NOLC1: variants seen among roughly 807,000 people sequenced by gnomAD.
NOLC1 encodes the protein nucleolar and coiled-body phosphoprotein 1, also known as 140 kDa nucleolar phosphoprotein.
NOLC1 carries 37 observed loss-of-function variants against 73.4 expected under a neutral mutation model. The observed-to-expected ratio is 0.50, with a 90% CI of 0.39 to 0.66. The LOEUF (loss-of-function observed/expected upper bound fraction) is 0.66, where lower values mean the gene tolerates loss of function less well. Ranked by LOEUF, NOLC1 falls within the 30% of genes least tolerant of loss-of-function variation. NOLC1 has a pLI of 0.00. For synonymous variants in NOLC1, 327 were observed against 302.6 expected (o/e 1.08, Z -0.84); for missense variants, 921 against 838.9 (o/e 1.10, Z -1.21).
In NOLC1 at chr10:102,159,205, C is replaced by G; in HGVS notation, c.620C>G (p.Pro207Arg). The change falls in exon 6 of 13, where the codon CCT becomes CGT. Residue 207 changes from proline (P) to arginine (R), a missense_variant. Coordinates refer to ENST00000605788, the MANE Select transcript of NOLC1 (RefSeq NM_004741.5). ...KAPPKPARAA[P>R]KIANGKAASS... ...TTGGGTATTCCAGCTCGAGCAGCAC[C>G]TAAAATAGCCAATGGTAAAGCAGCC... is the stretch of plus-strand genomic sequence containing the variant. 6.2e-7 allele frequency: 1 copy of G among 1,613,738 alleles called. No homozygotes were observed. The highest frequency in any genetic ancestry group is 8.5e-7 in the Non-Finnish European group (1 of 1,179,980).
intron 5 of NOLC1, among the ~76,000 whole-genome samples, 194 bp from the exon 6 acceptor site, chr10:102,158,999 G>A (rs1439860586): frequency 6.7e-6 from 1 of 150,072 alleles, no homozygotes; most frequent in Non-Finnish European, 1.5e-5. Flanking sequence ...AGAGGCTGAG[G>A]CGGGAGAGTT....
chr10:102,161,494 A>T, intron 10 of NOLC1, 62 bp from the exon 11 acceptor site: 1 of 1,300,354 alleles, frequency 7.7e-7, no homozygotes, highest in Non-Finnish European at 1.1e-6. Context: ...GGACTCCCAA[A>T]ATGCTGGGGT....
chr10:102,158,865 C>T (rs1015583377), intron 5 of NOLC1, among the ~76,000 whole-genome samples: 4 of 151,876 alleles, frequency 2.6e-5, no homozygotes, highest in Admixed American at 6.6e-5. Context: ...GAGGCTGAGG[C>T]GGGCGGATTG....
At chr10:102,155,188 G>A (rs1036606668) in intron 1 of NOLC1, among the ~76,000 whole-genome samples, 2 of 151,448 alleles carry the variant, frequency 1.3e-5, no homozygotes, top group African/African-American at 4.9e-5. Flanking sequence ...ACCACGCCCA[G>A]CTAATTTTGT....
At chr10:102,157,607 C>G (rs1284810670) in intron 4 of NOLC1, 52 bp downstream of exon 4, 2 of 1,581,044 alleles carry the variant, frequency 1.3e-6, no homozygotes, top group African/African-American at 2.7e-5. Context: ...AGGAAGAAAC[C>G]TAAAATCTTG....
At position 102,161,872 on chromosome 10, in the gene NOLC1, GA is replaced by G; in HGVS notation, c.1889del (p.Glu630GlyfsTer33). On this transcript the variant is annotated frameshift_variant, in exon 12 of 13. Coordinates refer to ENST00000605788, the MANE Select transcript of NOLC1 (RefSeq NM_004741.5). LOFTEE classifies it high-confidence loss of function. The part of the protein sequence containing the change: ...RASSPFRRVR[E>X]EEIEVDSRVA... The stretch of plus-strand genomic sequence containing the variant: ...ATCATCCCCATTCCGAAGGGTCAGG[GA>G]GGAGGAAATTGAGGTGGATTCACGA... 2 of 1,614,178 alleles carry G rather than the reference GA, an allele frequency of 1.2e-6. No individual in the cohort carries two copies. The highest frequency in any genetic ancestry group is 1.7e-6 in the Non-Finnish European group (2 of 1,180,042).
intron 1 of NOLC1, among the ~76,000 whole-genome samples, chr10:102,155,862 T>C (rs2069585777): frequency 6.6e-6 from 1 of 151,874 alleles, no homozygotes; most frequent in South Asian, 2.1e-4. Flanking sequence ...CTTGTTTCTT[T>C]CTTTTTTTTT....
At chr10:102,158,944 A>T (rs2069648562) in intron 5 of NOLC1, among the ~76,000 whole-genome samples, 2 of 151,518 alleles carry the variant, frequency 1.3e-5, no homozygotes, top group Non-Finnish European at 2.9e-5. Context: ...AAAATATAAA[A>T]ATTAGCTGGG....
chr10:102,157,202 C>T lies in NOLC1; in HGVS notation c.190C>T (p.Pro64Ser). The change falls in exon 3 of 13, where the codon CCA becomes TCA. Residue 64 changes from proline (P) to serine (S), a missense_variant. Coordinates refer to ENST00000605788, the MANE Select transcript of NOLC1 (RefSeq NM_004741.5). Reference protein sequence around the residue: ...YSFWLKSAKVPERKLQANGPV... With the variant: ...YSFWLKSAKVSERKLQANGPV... ...CTACCTCAGCAGGTCTGCCAAGGTCCCAGAGCGAAAGTTACAGGCAAATGG... is the reference window on the plus strand; with the variant it reads ...CTACCTCAGCAGGTCTGCCAAGGTCTCAGAGCGAAAGTTACAGGCAAATGG... 1 of 1,614,090 alleles carries T rather than the reference C, an allele frequency of 6.2e-7. No individual in the cohort carries two copies. The highest frequency in any genetic ancestry group is 8.5e-7 in the Non-Finnish European group (1 of 1,180,002).
Position 102,158,167 on chromosome 10 carries a change from T to A in NOLC1, c.560T>A (p.Ile187Lys). 6.2e-7 allele frequency: 1 copy of A among 1,614,134 alleles called. No individual in the cohort carries two copies. Among genetic ancestry groups the A allele is most frequent in the African/African-American group, 1.3e-5 (1 of 75,026 alleles). ...DEPPKNQKPK[I>K]TPVTVKAQTK... Reference sequence around the variant, plus strand: ...CCACCAAAGAACCAGAAGCCAAAGATAACACCTGTGACAGTTAAAGCTCAG... The same window carrying A: ...CCACCAAAGAACCAGAAGCCAAAGAAAACACCTGTGACAGTTAAAGCTCAG... Residue 187 changes from isoleucine (I) to lysine (K), a missense_variant, in exon 5 of 13, where the codon ATA (isoleucine) becomes AAA (lysine). Ile to Lys is a moderately radical substitution (Grantham distance 102). Coordinates refer to ENST00000605788, the MANE Select transcript of NOLC1 (RefSeq NM_004741.5).
At chr10:102,160,076 G>A (rs939773880) in intron 8 of NOLC1, 52 bp downstream of exon 8, 2 of 1,598,480 alleles carry the variant, frequency 1.3e-6, no homozygotes, top group Admixed American at 3.5e-5. Flanking sequence ...AGGAGGGGAT[G>A]AGGAATAAGG....
At chr10:102,158,003 A>G (rs759613558) in intron 4 of NOLC1, 46 bp from the exon 5 acceptor site, 1 of 1,575,044 alleles carries the variant, frequency 6.3e-7, no homozygotes, top group Non-Finnish European at 8.6e-7. Flanking sequence ...CCCTTTGGGT[A>G]CCCGGAAGCT....
chr10:102,153,665 TA>T (rs1256133179), intron 1 of NOLC1, among the ~76,000 whole-genome samples: 1 of 147,130 alleles, frequency 6.8e-6, no homozygotes, highest in African/African-American at 2.5e-5. Context: ...ATTTCAGAAT[TA>T]GGATTCTTTT....
chr10:102,158,037 C>CT lies in NOLC1; in HGVS notation c.442-8dup. Reference sequence around the variant, plus strand: ...CTTTTGCTGATTTCTCTCCTTGTGTCTTTTCTAACAGAAGGGAGTTAAGCC... The same window carrying CT: ...CTTTTGCTGATTTCTCTCCTTGTGTCTTTTTCTAACAGAAGGGAGTTAAGCC... On this transcript the variant is annotated splice_polypyrimidine_tract_variant and intron_variant, in intron 4 of 12. Coordinates refer to ENST00000605788, the MANE Select transcript of NOLC1 (RefSeq NM_004741.5). The CT allele has an allele frequency of 1.2e-6, 2 of 1,610,294 alleles. No homozygotes were observed. The highest frequency in any genetic ancestry group is 8.5e-7 in the Non-Finnish European group (1 of 1,178,628).
chr10:102,161,757 T>C lies in NOLC1; in HGVS notation c.1849-76T>C. The C allele has an allele frequency of 3.3e-6, 5 of 1,523,736 alleles. No individual in the cohort carries two copies. The South Asian group carries it at 4.5e-5, about 14-fold the overall frequency. 94.4% of individuals were successfully genotyped at this position (1,523,736 alleles called of 1,614,324 possible). A position where few individuals can be genotyped will look rare whatever the true frequency, so the allele number is the denominator to read the frequency against. ...GCTCTGCCTGGCGTGACCTGGTACA[T>C]GTGCCCATGTGTATCACTCAGGAGA... On this transcript the variant is annotated intron_variant, in intron 11 of 12. Transcript: ENST00000605788.
Position 102,162,145 on chromosome 10 carries a change from A to C in NOLC1, c.1976A>C (p.Asn659Thr), listed in dbSNP as rs759990535. ...GAAGDWGERA[N>T]QVLKFTKGKS... ...GCCGGAGACTGGGGAGAGCGAGCCA[A>C]TCAGGTTTTGAAGTTCACCAAAGGC... is the stretch of plus-strand genomic sequence containing the variant. The change falls in exon 13 of 13, where the codon AAT (asparagine) becomes ACT (threonine). Residue 659 changes from asparagine to threonine, a missense_variant. Asn to Thr is a moderately conservative substitution (Grantham distance 65, BLOSUM62 0). Coordinates refer to ENST00000605788, the MANE Select transcript of NOLC1 (RefSeq NM_004741.5). 6.2e-7 allele frequency: 1 copy of C among 1,614,130 alleles called. No homozygotes were observed.
chr10:102,154,932 T>C (rs1323055506), intron 1 of NOLC1, among the ~76,000 whole-genome samples: 2 of 151,992 alleles, frequency 1.3e-5, no homozygotes, highest in African/African-American at 4.8e-5. Flanking sequence ...CATACTTCGC[T>C]GTAGCATCGA....
Position 102,160,665 on chromosome 10 carries a change from CAAA to C in NOLC1, c.1314_1316del (p.Lys440del). 1.9e-6 allele frequency: 3 copies of C among 1,614,086 alleles called. No individual in the cohort carries two copies. Among genetic ancestry groups the C allele is most frequent in the Non-Finnish European group, 2.5e-6 (3 of 1,180,000 alleles). Reference sequence around the variant, plus strand: ...AGCAGCTCCAGTGAGGAGGAGAAGACAAAGAAGATGGTGGCCACCACTAAGCCC... The same window carrying C: ...AGCAGCTCCAGTGAGGAGGAGAAGACGAAGATGGTGGCCACCACTAAGCCC... On this transcript the variant is annotated inframe_deletion, in exon 10 of 13. Coordinates refer to ENST00000605788, the MANE Select transcript of NOLC1 (RefSeq NM_004741.5).
At chr10:102,157,909 T>G in intron 4 of NOLC1, 140 bp from the exon 5 acceptor site, 1 of 751,464 alleles carries the variant, frequency 1.3e-6, no homozygotes, top group Non-Finnish European at 2.1e-6. Flanking sequence ...TTTGTTGTTT[T>G]TTGCCCTTTC....
Sources: allele counts gnomAD v4.1 joint callset (sites outside exome capture counted in the v4.1 genomes callset), GRCh38; gene constraint gnomAD v4.1.1; transcripts MANE v1.5; gene names NCBI Gene and HGNC (gene_info 2026-07-23, HGNC 2026-07-21).